PXDN: variants seen among roughly 807,000 people sequenced by gnomAD.
The protein encoded by PXDN is peroxidasin.
PXDN carries 77 observed loss-of-function variants against 140.3 expected under a neutral mutation model. The observed-to-expected ratio is 0.55, with a 90% CI of 0.46 to 0.66. The LOEUF (loss-of-function observed/expected upper bound fraction) is 0.66. PXDN is among the 30% of genes least tolerant of loss of function. PXDN has a pLI of 0.00. For missense variants in PXDN, 1,838 were observed against 2,039.5 expected, an observed-to-expected ratio of 0.90 and a Z score of 1.90; for synonymous variants, 911 against 857.4, an observed-to-expected ratio of 1.06 and a Z score of -1.09.
In PXDN at chr2:1,643,945, A is replaced by G. The variant is rs1011181584; in HGVS notation, c.3744-369T>C. Among the ~76,000 whole-genome samples the G allele has an allele frequency of 3.3e-5, 5 of 151,768 alleles. No homozygotes were observed. In the East Asian group the frequency reaches 7.8e-4, roughly 24 times the overall value. ...AAATTAGCCGGGTGTGGTGGTGGGCACCTGTAGTCCCAGCTACTCGGGAGG... is the reference window on the plus strand; with the variant it reads ...AAATTAGCCGGGTGTGGTGGTGGGCGCCTGTAGTCCCAGCTACTCGGGAGG... On this transcript the variant is annotated intron_variant, in intron 18 of 22. Coordinates refer to ENST00000252804, the MANE Select transcript of PXDN (RefSeq NM_012293.3).
intron 1 of PXDN, among the ~76,000 whole-genome samples, chr2:1,707,822 G>A (rs564556196): frequency 2.6e-5 from 4 of 152,308 alleles, no homozygotes; most frequent in African/African-American, 4.8e-5. Flanking sequence ...GCAGCATGCC[G>A]GTGACTGTCT....
At chr2:1,738,518 A>T (rs934314093) in intron 1 of PXDN, among the ~76,000 whole-genome samples, 1 of 151,812 alleles carries the variant, frequency 6.6e-6, no homozygotes, top group African/African-American at 2.4e-5. Context: ...TAATAAGCCA[A>T]TGGGAATCAG....
intron 1 of PXDN, among the ~76,000 whole-genome samples, chr2:1,720,813 ATG>A (rs1217248205): frequency 1.3e-5 from 2 of 151,720 alleles, no homozygotes; most frequent in Non-Finnish European, 2.9e-5. Context: ...AGTGTTCGCA[ATG>A]TGTGTCACAT....
chr2:1,678,505 G>A (rs1022345095), intron 7 of PXDN, among the ~76,000 whole-genome samples: 22 of 152,222 alleles, frequency 1.4e-4, no homozygotes, highest in African/African-American at 5.3e-4. Flanking sequence ...CCAAATTGGA[G>A]TAAGGAGTAA....
rs1572108507 is a variant in PXDN at position 1,634,006 on chromosome 2, A to T, written c.*198T>A. The T allele has an allele frequency of 1.5e-6, 1 of 661,030 alleles. No homozygotes were observed. Among genetic ancestry groups the T allele is most frequent in the East Asian group, 3.0e-5 (1 of 32,946 alleles). The allele number at this position is 661,030 out of a possible 1,614,324, so 40.9% of individuals were successfully genotyped here. ...GACTCCTGCCTGCTTCCCTTCAGGC[A>T]CCTGCTGTGCCTCCTTCTCCGCAGA... is the stretch of plus-strand genomic sequence containing the variant. On this transcript the variant is annotated 3_prime_UTR_variant, in exon 23 of 23. Coordinates refer to ENST00000252804, the MANE Select transcript of PXDN (RefSeq NM_012293.3).
intron 14 of PXDN, among the ~76,000 whole-genome samples, chr2:1,657,266 G>A (rs1235901809): frequency 6.7e-6 from 1 of 148,192 alleles, no homozygotes; most frequent in East Asian, 2.1e-4. Context: ...ACTGGGAACA[G>A]CCCCCTCCTG....
chr2:1,719,778 A>G (rs1480725145), intron 1 of PXDN, among the ~76,000 whole-genome samples: 2 of 151,076 alleles, frequency 1.3e-5, no homozygotes, highest in Non-Finnish European at 2.9e-5. Context: ...TGAACACTGG[A>G]TTGGTCAGGG....
Position 1,714,655 on chromosome 2 carries a change from G to A in PXDN, c.201-21521C>T, listed in dbSNP as rs560523874. 2.6e-5 allele frequency among the ~76,000 whole-genome samples: 4 copies of A among 152,328 alleles called. No homozygotes were observed. The highest frequency in any genetic ancestry group is 4.1e-4 in the South Asian group (2 of 4,830). ...AATGCGGCCACAGAAGAGGCGACCCGGTGGCTGTGGCCAAGCTCCGATAAG... is the reference window on the plus strand; with the variant it reads ...AATGCGGCCACAGAAGAGGCGACCCAGTGGCTGTGGCCAAGCTCCGATAAG... On this transcript the variant is annotated intron_variant, in intron 1 of 22. Coordinates refer to ENST00000252804, the MANE Select transcript of PXDN (RefSeq NM_012293.3). The surrounding 1 kb of genome is among the most constrained non-coding windows in gnomAD (Gnocchi z 4.3).
At chr2:1,744,600 C>T (rs1334593563), upstream of PXDN, 1 of 667,088 alleles carries the variant, frequency 1.5e-6, no homozygotes, top group Admixed American at 4.7e-5. Context: ...TCCTCCCGGC[C>T]CCTCTGAATC....
chr2:1,711,956 C>T (rs1199887984), intron 1 of PXDN, among the ~76,000 whole-genome samples: 1 of 152,228 alleles, frequency 6.6e-6, no homozygotes, highest in Non-Finnish European at 1.5e-5. Context: ...CGGCTCCCAT[C>T]TCAGCTTCCC....
At position 1,639,479 on chromosome 2, in the gene PXDN, T is replaced by C; in HGVS notation, c.3953-57A>G. On this transcript the variant is annotated intron_variant, in intron 19 of 22. Transcript: ENST00000252804. This position sits in a 1 kb window ranked among gnomAD's most constrained non-coding sequence, Gnocchi z 5.0. ...TCTGAAGGCTCTGACCTCGGGGAAATTAAGCACATCCTGCCAACTATGAAG... is the reference window on the plus strand; with the variant it reads ...TCTGAAGGCTCTGACCTCGGGGAAACTAAGCACATCCTGCCAACTATGAAG... The C allele has an allele frequency of 6.2e-7, 1 of 1,607,680 alleles. No individual in the cohort carries two copies. Among genetic ancestry groups the C allele is most frequent in the Non-Finnish European group, 8.5e-7 (1 of 1,175,286 alleles).
At chr2:1,667,063 C>T (rs1206895676) in intron 9 of PXDN, among the ~76,000 whole-genome samples, 1 of 152,102 alleles carries the variant, frequency 6.6e-6, no homozygotes, top group African/African-American at 2.4e-5. Context: ...CCTGCAGGGA[C>T]GTGGCCGTGC....
intron 1 of PXDN, among the ~76,000 whole-genome samples, chr2:1,740,960 T>C (rs1685530022): frequency 6.6e-6 from 1 of 152,130 alleles, no homozygotes; most frequent in Admixed American, 6.5e-5. Context: ...ACCCCTCCAA[T>C]GTCAGGGTTT....
chr2:1,729,777 A>C (rs367546877), intron 1 of PXDN, among the ~76,000 whole-genome samples: 16 of 152,228 alleles, frequency 1.1e-4, no homozygotes, highest in African/African-American at 3.1e-4. Flanking sequence ...ACACACAAAA[A>C]TGCATGCAAT....
intron 17 of PXDN, 137 bp from the exon 18 acceptor site, chr2:1,644,889 A>T: frequency 9.5e-7 from 1 of 1,050,796 alleles, no homozygotes; most frequent in Non-Finnish European, 1.3e-6. Flanking sequence ...GAAAATATTT[A>T]CTTCTTTGCT....
chr2:1,703,188 A>G (rs1326967333), intron 1 of PXDN, among the ~76,000 whole-genome samples: 2 of 39,144 alleles, frequency 5.1e-5, no homozygotes, highest in East Asian at 8.7e-4. Context: ...GCGGGGGACA[A>G]CTCCAGGTGA....
At chr2:1,708,509 A>C (rs1684674453) in intron 1 of PXDN, among the ~76,000 whole-genome samples, 1 of 152,122 alleles carries the variant, frequency 6.6e-6, no homozygotes, top group Non-Finnish European at 1.5e-5. Context: ...AGCCCAAGTG[A>C]TTCTCAATCC....
At chr2:1,675,952 T>C (rs1446339162) in intron 8 of PXDN, among the ~76,000 whole-genome samples, 4 of 151,962 alleles carry the variant, frequency 2.6e-5, no homozygotes, top group Non-Finnish European at 1.5e-5. Context: ...TCAGAAGCTG[T>C]CCTCACGCAG....
At chr2:1,682,093 CTT>C (rs1683920990) in intron 6 of PXDN, among the ~76,000 whole-genome samples, 1 of 152,178 alleles carries the variant, frequency 6.6e-6, no homozygotes, top group Non-Finnish European at 1.5e-5. Flanking sequence ...GTTTGAGCAA[CTT>C]TAGTAAAGTG....
Sources: allele counts gnomAD v4.1 joint callset (sites outside exome capture counted in the v4.1 genomes callset), GRCh38; gene constraint gnomAD v4.1.1; non-coding constraint Gnocchi (gnomAD v3.1); transcripts MANE v1.5; gene names NCBI Gene and HGNC (gene_info 2026-07-23, HGNC 2026-07-21).